WWP2: variants seen among roughly 807,000 people sequenced by gnomAD.
WWP2 encodes the protein WW domain containing E3 ubiquitin protein ligase 2, also known as NEDD4-like E3 ubiquitin-protein ligase WWP2.
A neutral mutation model predicts 121.0 loss-of-function variants in WWP2; 57 were observed. That is an observed-to-expected ratio of 0.47 (90% confidence interval 0.38 to 0.59). WWP2 has a LOEUF of 0.59. WWP2 is among the 20% of genes least tolerant of loss of function. WWP2 has a pLI of 0.00. For synonymous variants in WWP2, 449 were observed against 441.3 expected (o/e 1.02, Z -0.22); for missense variants, 962 against 1,158.9 (o/e 0.83, Z 2.47).
chr16:69,786,775 C>T (rs2055801960), intron 1 of WWP2, among the ~76,000 whole-genome samples: 1 of 152,074 alleles, frequency 6.6e-6, no homozygotes, highest in Admixed American at 6.6e-5. Flanking sequence ...GACTCTGCCT[C>T]CTCTAGACTT....
At chr16:69,819,418 G>C (rs145232831) in intron 4 of WWP2, among the ~76,000 whole-genome samples, 5 of 152,074 alleles carry the variant, frequency 3.3e-5, no homozygotes, top group African/African-American at 1.2e-4. Flanking sequence ...CAGATCCCTC[G>C]GGCCACAGGT....
chr16:69,768,509 C>T (rs1341844863), intron 1 of WWP2, among the ~76,000 whole-genome samples: 1 of 152,132 alleles, frequency 6.6e-6, no homozygotes, highest in African/African-American at 2.4e-5. Context: ...ACTTGGGAGC[C>T]TGAGGCAGGA....
At chr16:69,885,102 T>TACACACACACACAC (rs3051438) in intron 7 of WWP2, among the ~76,000 whole-genome samples, 318 of 140,040 alleles carry the variant, frequency 2.3e-3, no homozygotes, top group Non-Finnish European at 3.7e-3. Flanking sequence ...AAACTCCTCC[T>TACACACACACACAC]ACACACACAC....
intron 10 of WWP2, chr16:69,924,986 T>A (rs1295868984): frequency 2.0e-6 from 2 of 989,326 alleles, no homozygotes; most frequent in East Asian, 2.2e-4. Flanking sequence ...CTGCGATATT[T>A]TTTCCCCTCC....
chr16:69,899,834 C>A (rs777600272), intron 8 of WWP2, among the ~76,000 whole-genome samples: 5 of 149,658 alleles, frequency 3.3e-5, no homozygotes, highest in African/African-American at 1.2e-4. Context: ...AATAATCTTA[C>A]AATCGATGGC....
intron 6 of WWP2, among the ~76,000 whole-genome samples, chr16:69,869,518 A>T (rs2057593083): frequency 6.6e-6 from 1 of 150,832 alleles, no homozygotes; most frequent in Admixed American, 6.6e-5. Context: ...TAATTTTTTA[A>T]ATTTTTTGCT....
chr16:69,886,823 A>C (rs1292835694), intron 7 of WWP2, among the ~76,000 whole-genome samples: 5 of 152,218 alleles, frequency 3.3e-5, no homozygotes, highest in African/African-American at 1.2e-4. Context: ...GGATGATTCT[A>C]TAGTGAGCTC....
chr16:69,810,455 T>C (rs561852743), intron 4 of WWP2, among the ~76,000 whole-genome samples: 110 of 151,828 alleles, frequency 7.2e-4, no homozygotes, highest in Non-Finnish European at 1.3e-3. Flanking sequence ...AGACGGAGTT[T>C]CGCTCTGTCC....
At chr16:69,840,293 G>T (rs1352500610) in intron 5 of WWP2, 30 bp downstream of exon 5, 1 of 1,612,398 alleles carries the variant, frequency 6.2e-7, no homozygotes, top group Non-Finnish European at 8.5e-7. Context: ...TCAGGACTGT[G>T]CCGGGACAGG....
intron 4 of WWP2, among the ~76,000 whole-genome samples, chr16:69,808,962 G>T (rs2056338062): frequency 6.6e-6 from 1 of 152,186 alleles, no homozygotes; most frequent in African/African-American, 2.4e-5. Context: ...TTCTAGTGTT[G>T]TACCAATTTG....
At chr16:69,786,909 C>T in intron 1 of WWP2, 87 bp from the exon 2 acceptor site, 1 of 1,230,650 alleles carries the variant, frequency 8.1e-7, no homozygotes, top group South Asian at 1.5e-5. Context: ...TTGCCTGTTT[C>T]TTTAAGCTTA....
At chr16:69,931,705 T>C (rs2058716565) in intron 15 of WWP2, 97 bp from the exon 16 acceptor site, 3 of 1,570,214 alleles carry the variant, frequency 1.9e-6, no homozygotes, top group Non-Finnish European at 2.6e-6. Flanking sequence ...GGTGACTGTG[T>C]CTGCTGGATA....
At chr16:69,897,039 C>G (rs1384686059) in intron 8 of WWP2, among the ~76,000 whole-genome samples, 1 of 151,930 alleles carries the variant, frequency 6.6e-6, no homozygotes. Context: ...GTAAAAAATA[C>G]CTGTGGCTCA....
At chr16:69,863,858 T>C (rs1195866819) in intron 6 of WWP2, among the ~76,000 whole-genome samples, 2 of 152,224 alleles carry the variant, frequency 1.3e-5, no homozygotes, top group African/African-American at 4.8e-5. Flanking sequence ...CATAATGCGG[T>C]TGTGATTCAC....
chr16:69,839,158 TGGGGCGG>T (rs2056929641), intron 4 of WWP2, among the ~76,000 whole-genome samples: 1 of 1,480 alleles, frequency 6.8e-4, no homozygotes, highest in African/African-American at 6.4e-3. Context: ...TTGGATTGGG[TGGGGCGG>T]GTGGGGAGGG....
intron 10 of WWP2, among the ~76,000 whole-genome samples, chr16:69,919,668 A>C (rs1597161001): frequency 6.6e-6 from 1 of 152,248 alleles, no homozygotes; most frequent in South Asian, 2.1e-4. Context: ...GGGACTCCCA[A>C]GTTGGCTGAT....
chr16:69,867,524 T>C (rs1428009708), intron 6 of WWP2, among the ~76,000 whole-genome samples: 1 of 152,064 alleles, frequency 6.6e-6, no homozygotes, highest in Non-Finnish European at 1.5e-5. Flanking sequence ...TAGCTGAGGA[T>C]GGAGGCCAGG....
chr16:69,936,847 C>A, intron 19 of WWP2: 2 of 486,516 alleles, frequency 4.1e-6, no homozygotes, highest in South Asian at 5.2e-5. Context: ...GTCTTTATCT[C>A]CACGCTTCCA....
At chr16:69,793,490 G>A (rs2055957600) in intron 2 of WWP2, among the ~76,000 whole-genome samples, 1 of 152,110 alleles carries the variant, frequency 6.6e-6, no homozygotes, top group African/African-American at 2.4e-5. Context: ...TCAGAGATTA[G>A]GGTTTTTATA....
Sources: gnomAD v4.1 joint callset for allele counts (sites outside exome capture counted in the v4.1 genomes callset) on GRCh38, gnomAD v4.1.1 for gene constraint, MANE v1.5 for transcripts, NCBI Gene and HGNC (gene_info 2026-07-23, HGNC 2026-07-21) for gene names.